ATP6V0A4: variants seen among roughly 807,000 people sequenced by gnomAD.
ATP6V0A4 encodes ATPase H+ transporting V0 subunit a4.
A neutral mutation model predicts 107.3 loss-of-function variants in ATP6V0A4; 86 were observed. That is an observed-to-expected ratio of 0.80 (90% CI 0.67 to 0.96). The LOEUF (loss-of-function observed/expected upper bound fraction) is 0.96, where lower values mean the gene tolerates loss of function less well. Among genes scored for constraint, ATP6V0A4 ranks in the 40% least tolerant of loss-of-function variants. ATP6V0A4 has a pLI of 0.00. For missense variants in ATP6V0A4, 908 were observed against 1,045.6 expected (o/e 0.87, Z 1.81); for synonymous variants, 353 against 381.4 (o/e 0.93, Z 0.87).
chr7:138,712,320 T>G (rs1337018834), intron 20 of ATP6V0A4, among the ~76,000 whole-genome samples: 2 of 152,152 alleles, frequency 1.3e-5, no homozygotes, highest in African/African-American at 2.4e-5. Context: ...CAGCAGTAGT[T>G]TGAAGGACTT....
At chr7:138,745,649 C>A (rs950738687) in intron 13 of ATP6V0A4, among the ~76,000 whole-genome samples, 3 of 34,306 alleles carry the variant, frequency 8.7e-5, no homozygotes, top group African/African-American at 3.3e-4. Context: ...TGCGCTCCAG[C>A]CTGTGTCTCA....
chr7:138,741,622 G>T (rs964016363), intron 14 of ATP6V0A4, among the ~76,000 whole-genome samples: 1 of 152,092 alleles, frequency 6.6e-6, no homozygotes, highest in African/African-American at 2.4e-5. Context: ...AGAAGGACAC[G>T]GTCCAAACCA....
rs1433112818 is a variant in ATP6V0A4, at chr7:138,771,181, A to G, written c.67T>C (p.Tyr23His). The change falls in exon 3 of 22, where the codon TAT (tyrosine) becomes CAT (histidine). Residue 23 changes from tyrosine (Y) to histidine (H), a missense_variant. Tyr to His is a moderately conservative substitution (Grantham distance 83). Coordinates refer to ENST00000310018, the MANE Select transcript of ATP6V0A4 (RefSeq NM_020632.3). Reference sequence around the variant, plus strand: ...TCTCCGAGCTCAGCCACACAGCAATATGCAGCTTCCACCTGGAGAAACAGT... The same window carrying G: ...TCTCCGAGCTCAGCCACACAGCAATGTGCAGCTTCCACCTGGAGAAACAGT... Reference protein sequence around the residue: ...SQLFLQVEAAYCCVAELGELG... With the variant: ...SQLFLQVEAAHCCVAELGELG... 1.2e-6 allele frequency: 2 copies of G among 1,614,086 alleles called. No individual in the cohort carries two copies. Among genetic ancestry groups the G allele is most frequent in the East Asian group, 4.5e-5 (2 of 44,888 alleles).
At position 138,706,451 on chromosome 7, in the gene ATP6V0A4, G is replaced by A. The variant is rs563491903; in HGVS notation, c.*173C>T. ...CACTTGCCAAAGTCCTTCCTCTGAC[G>A]TGGTTAAGTCGTATCAAATCCACAG... On this transcript the variant is annotated 3_prime_UTR_variant, in exon 22 of 22. Coordinates refer to ENST00000310018, the MANE Select transcript of ATP6V0A4 (RefSeq NM_020632.3). 1.3e-4 allele frequency: 95 copies of A among 740,914 alleles called. 2 individuals carry two copies. The highest frequency in any genetic ancestry group is 1.3e-3 in the South Asian group (78 of 61,148). The allele number at this position is 740,914 out of a possible 1,614,324, so 45.9% of individuals were successfully genotyped here.
chr7:138,754,555 T>C (rs1041139610), intron 10 of ATP6V0A4, among the ~76,000 whole-genome samples: 1 of 152,106 alleles, frequency 6.6e-6, no homozygotes, highest in Non-Finnish European at 1.5e-5. Flanking sequence ...AACATACTTG[T>C]CCAGAATCTA....
At chr7:138,738,046 G>A (rs1427619293) in intron 15 of ATP6V0A4, among the ~76,000 whole-genome samples, 3 of 152,010 alleles carry the variant, frequency 2.0e-5, no homozygotes, top group Non-Finnish European at 4.4e-5. Flanking sequence ...ACAGGCATGA[G>A]CCACCACATC....
intron 9 of ATP6V0A4, 44 bp from the exon 10 acceptor site, chr7:138,755,826 C>CA (rs777621593): frequency 1.2e-6 from 2 of 1,603,690 alleles, no homozygotes; most frequent in Non-Finnish European, 1.7e-6. Flanking sequence ...GTTCTTGCTG[C>CA]AAAGCATTCT....
At chr7:138,785,278 CTTTTT>C (rs67440202) in intron 2 of ATP6V0A4, among the ~76,000 whole-genome samples, 2 of 131,674 alleles carry the variant, frequency 1.5e-5, no homozygotes. Context: ...TTTCTTTTTT[CTTTTT>C]TTTTTTTTTT....
intron 11 of ATP6V0A4, among the ~76,000 whole-genome samples, chr7:138,752,305 G>A (rs1395321107): frequency 6.6e-6 from 1 of 151,960 alleles, no homozygotes; most frequent in Non-Finnish European, 1.5e-5. Context: ...GGGAGGCAGA[G>A]GTTGCAGTGA....
intron 15 of ATP6V0A4, among the ~76,000 whole-genome samples, chr7:138,736,189 GC>G (rs1805314721): frequency 6.6e-6 from 1 of 152,168 alleles, no homozygotes; most frequent in African/African-American, 2.4e-5. Flanking sequence ...GCTGCATTGA[GC>G]CATGATCATG....
At chr7:138,759,709 A>G (rs1261250839) in intron 8 of ATP6V0A4, 43 bp downstream of exon 8, 4 of 1,605,048 alleles carry the variant, frequency 2.5e-6, no homozygotes. Flanking sequence ...GCTGAGGGCT[A>G]TGGGAAGTCT....
chr7:138,780,489 G>A (rs542252832), intron 2 of ATP6V0A4, among the ~76,000 whole-genome samples: 32 of 152,230 alleles, frequency 2.1e-4, no homozygotes, highest in South Asian at 1.7e-3. Flanking sequence ...CATAGCTGGC[G>A]GATCACCCCA....
At chr7:138,764,810 T>C (rs1807006549) in intron 5 of ATP6V0A4, 2 of 152,364 alleles carry the variant, frequency 1.3e-5, no homozygotes, top group African/African-American at 4.8e-5. Context: ...TTTTTGTTTT[T>C]AAGACAAAGT....
chr7:138,761,675 G>A (rs539701996), intron 7 of ATP6V0A4, among the ~76,000 whole-genome samples: 3 of 151,180 alleles, frequency 2.0e-5, no homozygotes, highest in African/African-American at 4.8e-5. Context: ...TATTATCAAA[G>A]TAATATTTTA....
In ATP6V0A4 at chr7:138,752,722, A is replaced by G. The variant is rs140954628; in HGVS notation, c.932T>C (p.Met311Thr). The G allele has an allele frequency of 6.3e-5, 102 of 1,614,004 alleles. No homozygotes were observed. Among genetic ancestry groups the G allele is most frequent in the Middle Eastern group, 1.6e-4 (1 of 6,082 alleles). The change falls in exon 11 of 22, where the codon ATG (methionine) becomes ACG (threonine). Residue 311 changes from methionine to threonine, a missense_variant. Met to Thr is a moderately conservative substitution (Grantham distance 81). Coordinates refer to ENST00000310018, the MANE Select transcript of ATP6V0A4 (RefSeq NM_020632.3). ...KMKAVYHILN[M>T]CNIDVTQQCV... Reference sequence around the variant, plus strand: ...CTGCTGGGTGACGTCGATGTTGCACATGTTCAGGATGTGGTAGACAGCTTT... The same window carrying G: ...CTGCTGGGTGACGTCGATGTTGCACGTGTTCAGGATGTGGTAGACAGCTTT...
intron 18 of ATP6V0A4, among the ~76,000 whole-genome samples, chr7:138,727,210 C>T (rs977660746): frequency 2.0e-5 from 3 of 151,538 alleles, no homozygotes; most frequent in African/African-American, 4.9e-5. Flanking sequence ...GCCCGGGAGT[C>T]GGAGGCTGCA....
At chr7:138,792,153 A>G (rs543759152) in intron 1 of ATP6V0A4, among the ~76,000 whole-genome samples, 2 of 152,220 alleles carry the variant, frequency 1.3e-5, no homozygotes, top group East Asian at 3.9e-4. Flanking sequence ...CTAAAAATAC[A>G]AAAACTTAGC....
At position 138,723,351 on chromosome 7, in the gene ATP6V0A4, C is replaced by T. The variant is rs1267284114; in HGVS notation, c.2011-1326G>A. 3.9e-5 allele frequency among the ~76,000 whole-genome samples: 6 copies of T among 152,028 alleles called. No homozygotes were observed. In the South Asian group the frequency reaches 1.2e-3, roughly 32 times the overall value. ...AGGAAAAATTCAAGGAAAAAAAAATCTAGGCATAGTCACCATTCAACTTGG... is the reference window on the plus strand; with the variant it reads ...AGGAAAAATTCAAGGAAAAAAAAATTTAGGCATAGTCACCATTCAACTTGG... On this transcript the variant is annotated intron_variant, in intron 18 of 21. Transcript: ENST00000310018.
chr7:138,761,273 A>G (rs1185750482), intron 7 of ATP6V0A4, among the ~76,000 whole-genome samples: 1 of 152,158 alleles, frequency 6.6e-6, no homozygotes, highest in Admixed American at 6.6e-5. Context: ...TCAAGGCTGC[A>G]GTGAGCTATG....
Sources: gnomAD v4.1 joint callset for allele counts (sites outside exome capture counted in the v4.1 genomes callset) on GRCh38, gnomAD v4.1.1 for gene constraint, MANE v1.5 for transcripts, NCBI Gene and HGNC (gene_info 2026-07-23, HGNC 2026-07-21) for gene names.